Variants in ERN1 observed in about 807,000 individuals in gnomAD.
ERN1 encodes the protein endoplasmic reticulum to nucleus signaling 1.
Under a neutral mutation model 113.1 loss-of-function variants are expected in ERN1, and 39 were observed. The ratio of observed to expected loss-of-function variants is 0.34; its 90% CI spans 0.27 to 0.45. The LOEUF is 0.45. Ranked by LOEUF, ERN1 falls within the 20% of genes least tolerant of loss-of-function variation. ERN1 has a pLI of 1.00. For synonymous variants in ERN1, 507 were observed against 515.9 expected (o/e 0.98, Z 0.23); for missense variants, 976 against 1,274.8 (o/e 0.77, Z 3.57).
chr17:64,060,338 C>T, intron 11 of ERN1, 131 bp downstream of exon 11: 19 of 654,204 alleles, frequency 2.9e-5, no homozygotes, highest in Admixed American at 1.0e-4. Flanking sequence ...ATGTTTTTTG[C>T]TTTGGATTCT....
chr17:64,110,471 A>T (rs545728199), intron 1 of ERN1, among the ~76,000 whole-genome samples: 9 of 152,326 alleles, frequency 5.9e-5, no homozygotes, highest in East Asian at 1.9e-4. Context: ...TAATGGTTTT[A>T]AAAAATGTCC....
chr17:64,085,826 G>A (rs1400800532), intron 2 of ERN1, among the ~76,000 whole-genome samples: 1 of 152,102 alleles, frequency 6.6e-6, no homozygotes, highest in African/African-American at 2.4e-5. Flanking sequence ...AGGAGATCCT[G>A]GCTGGCTTCT....
intron 1 of ERN1, among the ~76,000 whole-genome samples, chr17:64,121,085 C>A (rs571525316): frequency 1.3e-4 from 20 of 152,154 alleles, no homozygotes; most frequent in Non-Finnish European, 2.5e-4. Context: ...TTCCTTCCCC[C>A]CTTGCTCCTT....
chr17:64,110,445 C>T (rs1404685528), intron 1 of ERN1, among the ~76,000 whole-genome samples: 4 of 152,130 alleles, frequency 2.6e-5, no homozygotes. Context: ...AATAGATCTC[C>T]TGAACAGCCC....
In ERN1 at chr17:64,055,853, G is replaced by A. The variant is rs771718170; in HGVS notation, c.1494C>T (p.Phe498=). Residue 498 remains phenylalanine (F), a synonymous_variant, in exon 13 of 22, where the codon TTC becomes TTT. Transcript: ENST00000433197. ...CCTGAGCCGTGTCTCCAGGTGGGTG[G>A]AAGGGCAGCTGCTGCTGCTGCTGCT... ...LLQQQQQQLP[F]HPPGDTAQDG... The A allele has an allele frequency of 4.3e-5, 67 of 1,553,288 alleles. No individual in the cohort carries two copies. The Admixed American group carries it at 5.7e-4, about 13-fold the overall frequency.
intron 7 of ERN1, among the ~76,000 whole-genome samples, chr17:64,067,146 G>A (rs1913255365): frequency 6.6e-6 from 1 of 152,122 alleles, no homozygotes; most frequent in African/African-American, 2.4e-5. Context: ...ATAAACACAA[G>A]CCAGGATCAC....
rs770525435 is a variant in ERN1 at position 64,053,342 on chromosome 17, G to A, written c.1983C>T (p.Leu661=). ...GCAGCAAGGTGATGGGCTCCAGGCC[G>A]AGATGCGCAAAGTCCTTCTGCTCCA... is the stretch of plus-strand genomic sequence containing the variant. ...EYVEQKDFAH[L]GLEPITLLQQ... is the part of the protein sequence containing the mutation. Residue 661 remains leucine (L), a synonymous_variant, in exon 16 of 22, where the codon CTC becomes CTT. Transcript: ENST00000433197. The A allele has an allele frequency of 1.4e-5, 22 of 1,611,176 alleles. No individual in the cohort carries two copies. Among genetic ancestry groups the A allele is most frequent in the Admixed American group, 1.7e-5 (1 of 59,694 alleles).
At chr17:64,051,744 A>C (rs1425486855) in intron 17 of ERN1, among the ~76,000 whole-genome samples, 3 of 152,274 alleles carry the variant, frequency 2.0e-5, no homozygotes, top group African/African-American at 4.8e-5. Flanking sequence ...CCATCCTGGT[A>C]TATAAAACCC....
rs971770737 is a variant in ERN1 at position 64,070,628 on chromosome 17, G to A, written c.478+1353C>T. 2.0e-5 allele frequency among the ~76,000 whole-genome samples: 3 copies of A among 152,160 alleles called. No homozygotes were observed. The South Asian group carries it at 6.2e-4, about 31-fold the overall frequency. ...CAGGGCCCAAGATTAGTCTCACTGAGTTTTAGAAATGCAGTGCTTTCCCCA... is the reference window on the plus strand; with the variant it reads ...CAGGGCCCAAGATTAGTCTCACTGAATTTTAGAAATGCAGTGCTTTCCCCA... On this transcript the variant is annotated intron_variant, in intron 6 of 21. Transcript: ENST00000433197.
chr17:64,054,668 A>G lies in ERN1; in HGVS notation c.1763+70T>C. The stretch of plus-strand genomic sequence containing the variant: ...GACCCTGCTGTGCTCTGAGCCTGGC[A>G]CCAGGCTCGCAACCTGACAGGCACT... On this transcript the variant is annotated intron_variant, in intron 14 of 21. Coordinates refer to ENST00000433197, the MANE Select transcript of ERN1 (RefSeq NM_001433.5). This position sits in a 1 kb window ranked among gnomAD's most constrained non-coding sequence, Gnocchi z 4.9. 7.8e-7 allele frequency: 1 copy of G among 1,276,242 alleles called. No individual in the cohort carries two copies. Among genetic ancestry groups the G allele is most frequent in the Non-Finnish European group, 1.1e-6 (1 of 906,878 alleles). 79.1% of individuals were successfully genotyped at this position (1,276,242 alleles called of 1,614,324 possible).
At chr17:64,076,614 T>C (rs868067186) in intron 4 of ERN1, among the ~76,000 whole-genome samples, 6,697 of 151,950 alleles carry the variant, frequency 0.044, 494 homozygotes, top group African/African-American at 0.15. Context: ...CTTTTTTTTT[T>C]TTTTTGAGAC....
Position 64,041,178 on chromosome 17 carries a change from GAAATT to G in ERN1, c.*2805_*2809del, listed in dbSNP as rs1912326475. On this transcript the variant is annotated 3_prime_UTR_variant, in exon 22 of 22. Coordinates refer to ENST00000433197, the MANE Select transcript of ERN1 (RefSeq NM_001433.5). ...AACAAAAAACAAACGAAAAAACACT[GAAATT>G]AAAAAGACTCAAGAAGCAACAAGAG... 1 of 152,110 alleles carries G rather than the reference GAAATT, an allele frequency of 6.6e-6. No individual in the cohort carries two copies. The highest frequency in any genetic ancestry group is 2.4e-5 in the African/African-American group (1 of 41,414). 9.4% of individuals were successfully genotyped at this position (152,110 alleles called of 1,614,324 possible). A position where few individuals can be genotyped will look rare whatever the true frequency, so the allele number is the denominator to read the frequency against.
intron 1 of ERN1, among the ~76,000 whole-genome samples, chr17:64,124,014 T>C (rs11655898): frequency 0.076 from 11,594 of 152,214 alleles, 579 homozygotes; most frequent in African/African-American, 0.12. Context: ...TTAGATTAGT[T>C]ATTAGAGAAA....
intron 6 of ERN1, among the ~76,000 whole-genome samples, chr17:64,069,477 G>A (rs952789281): frequency 1.3e-5 from 2 of 152,208 alleles, no homozygotes; most frequent in Non-Finnish European, 2.9e-5. Flanking sequence ...GGACTTCTCA[G>A]AGGGCAGAAC....
chr17:64,108,906 T>C (rs1914601175), intron 1 of ERN1, among the ~76,000 whole-genome samples: 1 of 152,154 alleles, frequency 6.6e-6, no homozygotes, highest in Non-Finnish European at 1.5e-5. Flanking sequence ...GTGGATCACC[T>C]GAGGTCAGGA....
At chr17:64,118,566 G>A (rs1173705441) in intron 1 of ERN1, among the ~76,000 whole-genome samples, 1 of 152,184 alleles carries the variant, frequency 6.6e-6, no homozygotes, top group Non-Finnish European at 1.5e-5. Context: ...TCAAAGAGCG[G>A]GCTCCCAATT....
chr17:64,097,931 T>C (rs1914273495), intron 2 of ERN1, 190 bp downstream of exon 2: 1 of 660,470 alleles, frequency 1.5e-6, no homozygotes, highest in African/African-American at 1.8e-5. Context: ...CTGATGCACT[T>C]AGTGGATAAC....
chr17:64,088,004 A>G (rs1019722952), intron 2 of ERN1, among the ~76,000 whole-genome samples: 1 of 152,196 alleles, frequency 6.6e-6, no homozygotes, highest in Admixed American at 6.5e-5. Flanking sequence ...AATTTAAATA[A>G]TTGTTTCAAA....
intron 19 of ERN1, 62 bp from the exon 20 acceptor site, chr17:64,045,544 C>T: frequency 6.2e-7 from 1 of 1,608,348 alleles, no homozygotes; most frequent in Non-Finnish European, 8.5e-7. Context: ...AGCTGTGCGA[C>T]TGGGACTCAG....
Sources: allele counts gnomAD v4.1 joint callset (sites outside exome capture counted in the v4.1 genomes callset), GRCh38; gene constraint gnomAD v4.1.1; non-coding constraint Gnocchi (gnomAD v3.1); transcripts MANE v1.5; gene names NCBI Gene and HGNC (gene_info 2026-07-23, HGNC 2026-07-21).